Variants in LDLRAD4 observed in about 807,000 individuals in gnomAD.
The protein encoded by LDLRAD4 is low-density lipoprotein receptor class A domain-containing protein 4.
In LDLRAD4, 5 loss-of-function variants were observed where a neutral mutation model predicts 17.0. The ratio of observed to expected loss-of-function variants is 0.29; its 90% CI spans 0.15 to 0.62. The LOEUF is 0.62. Ranked by LOEUF, LDLRAD4 falls within the 20% of genes least tolerant of loss-of-function variation. LDLRAD4 has a pLI of 0.84. For missense variants in LDLRAD4, 340 were observed against 424.7 expected, an observed-to-expected ratio of 0.80 and a Z score of 1.75; for synonymous variants, 168 against 171.8, an observed-to-expected ratio of 0.98 and a Z score of 0.17.
At chr18:13,459,759 C>A (rs1568189688) in intron 3 of LDLRAD4, among the ~76,000 whole-genome samples, 1 of 152,116 alleles carries the variant, frequency 6.6e-6, no homozygotes, top group African/African-American at 2.4e-5. Flanking sequence ...ATGGCTTTGT[C>A]TATAGAAAGA....
chr18:13,527,221 C>T (rs1009320813), intron 3 of LDLRAD4, among the ~76,000 whole-genome samples: 1 of 152,266 alleles, frequency 6.6e-6, no homozygotes, highest in African/African-American at 2.4e-5. Context: ...TCAGAAAATA[C>T]CAGTTCTACA....
intron 3 of LDLRAD4, among the ~76,000 whole-genome samples, chr18:13,449,866 C>T (rs528733206): frequency 2.0e-5 from 3 of 152,218 alleles, no homozygotes; most frequent in South Asian, 2.1e-4. Context: ...TGGGTTTGGG[C>T]AGGTGGTGGG....
At chr18:13,422,635 C>T (rs1178173859) in intron 2 of LDLRAD4, among the ~76,000 whole-genome samples, 8 of 152,080 alleles carry the variant, frequency 5.3e-5, no homozygotes, top group Non-Finnish European at 2.9e-5. Context: ...GTGTTGGAGG[C>T]TGCAGTGAGC....
intron 3 of LDLRAD4, among the ~76,000 whole-genome samples, chr18:13,598,358 G>C (rs376716298): frequency 1.3e-5 from 2 of 152,328 alleles, no homozygotes; most frequent in East Asian, 3.9e-4. Context: ...TCATATTTCT[G>C]TCAAGCTGTC....
chr18:13,568,119 A>C (rs2094632439), intron 3 of LDLRAD4, among the ~76,000 whole-genome samples: 1 of 151,936 alleles, frequency 6.6e-6, no homozygotes, highest in Non-Finnish European at 1.5e-5. Flanking sequence ...ACATGGCGAA[A>C]CCTGTCTCTA....
At chr18:13,290,753 T>C (rs967957622) in intron 1 of LDLRAD4, among the ~76,000 whole-genome samples, 1 of 152,206 alleles carries the variant, frequency 6.6e-6, no homozygotes, top group African/African-American at 2.4e-5. Context: ...GAAGTTAGAT[T>C]ATACCAGAAG....
chr18:13,611,420 T>C, intron 3 of LDLRAD4: 1 of 984,528 alleles, frequency 1.0e-6, no homozygotes, highest in Non-Finnish European at 1.2e-6. Flanking sequence ...CGTGATTTTC[T>C]CTGAAAACTG....
At chr18:13,276,193 A>G (rs2044857049), upstream of LDLRAD4, among the ~76,000 whole-genome samples, 1 of 152,056 alleles carries the variant, frequency 6.6e-6, no homozygotes, top group South Asian at 2.1e-4. Flanking sequence ...ATTTCTTGGT[A>G]AAGATGGGGT....
intron 3 of LDLRAD4, chr18:13,611,945 C>T: frequency 1.0e-6 from 1 of 985,420 alleles, no homozygotes; most frequent in South Asian, 4.7e-5. Flanking sequence ...CAGCCTGGCT[C>T]GCAGCCTGAG....
chr18:13,650,244 AT>A, exon 6 of LDLRAD4: 1 of 389,202 alleles, frequency 2.6e-6, no homozygotes, highest in Non-Finnish European at 4.4e-6. Context: ...TCAGACAGTC[AT>A]TTGCTGCTGC....
At chr18:13,638,430 CA>C (rs1179342037) in intron 4 of LDLRAD4, among the ~76,000 whole-genome samples, 1 of 152,188 alleles carries the variant, frequency 6.6e-6, no homozygotes. Flanking sequence ...AAATTGTCAT[CA>C]GATAATTCTT....
chr18:13,382,841 A>C (rs2085484036), intron 1 of LDLRAD4: 1 of 152,328 alleles, frequency 6.6e-6, no homozygotes. Flanking sequence ...CCTTCAGGGC[A>C]AGAGGCCCAG....
intron 3 of LDLRAD4, chr18:13,612,394 G>T: frequency 8.3e-7 from 1 of 1,199,190 alleles, no homozygotes; most frequent in Non-Finnish European, 1.0e-6. Context: ...GACACGGCCG[G>T]CTTCCTGCCG....
At chr18:13,569,880 G>C (rs562464869) in intron 3 of LDLRAD4, among the ~76,000 whole-genome samples, 3 of 152,282 alleles carry the variant, frequency 2.0e-5, no homozygotes, top group African/African-American at 7.2e-5. Flanking sequence ...GTGAGACTCT[G>C]TCTCAAAAAA....
At chr18:13,459,868 C>G (rs192158888) in intron 3 of LDLRAD4, 1 of 150,202 alleles carries the variant, frequency 6.7e-6, no homozygotes, top group Admixed American at 6.6e-5. Flanking sequence ...ACATCAGCAG[C>G]AAGTATATGA....
At position 13,495,645 on chromosome 18, in the gene LDLRAD4, A is replaced by G. The variant is rs188173872; in HGVS notation, c.181+57261A>G. Reference sequence around the variant, plus strand: ...GCTGCCTTGAAGAATTGGGTCAATAACCTTTAGAGTGGTGAAGATGGCTCA... The same window carrying G: ...GCTGCCTTGAAGAATTGGGTCAATAGCCTTTAGAGTGGTGAAGATGGCTCA... On this transcript the variant is annotated intron_variant, in intron 3 of 5. Transcript: ENST00000359446. Among the ~76,000 whole-genome samples the G allele has an allele frequency of 2.3e-4, 35 of 152,284 alleles. No individual in the cohort carries two copies. The South Asian group carries it at 6.8e-3, about 30-fold the overall frequency.
intron 3 of LDLRAD4, among the ~76,000 whole-genome samples, chr18:13,597,504 A>G (rs985223619): frequency 7.1e-5 from 4 of 56,144 alleles, no homozygotes; most frequent in African/African-American, 2.4e-4. Context: ...GTTTCTGCTC[A>G]TTTCTCTCTC....
chr18:13,620,801 A>G (rs1455917336), intron 3 of LDLRAD4: 1 of 380,420 alleles, frequency 2.6e-6, no homozygotes, highest in Non-Finnish European at 4.9e-6. Context: ...CCACTCAACC[A>G]TAAAGACGGG....
chr18:13,579,087 G>A (rs1248432241), intron 3 of LDLRAD4, among the ~76,000 whole-genome samples: 1 of 151,986 alleles, frequency 6.6e-6, no homozygotes, highest in Non-Finnish European at 1.5e-5. Context: ...CTACTCTGGA[G>A]GCTGAGGCAG....
Sources: allele counts gnomAD v4.1 joint callset (sites outside exome capture counted in the v4.1 genomes callset), GRCh38; gene constraint gnomAD v4.1.1; transcripts MANE v1.5; gene names NCBI Gene and HGNC (gene_info 2026-07-23, HGNC 2026-07-21).